The following JADE1 variants were observed in gnomAD, a reference collection of about 807,000 sequenced individuals.
JADE1 encodes jade family PHD finger 1.
In JADE1, 14 loss-of-function variants were observed where a neutral mutation model predicts 81.8. The ratio of observed to expected loss-of-function variants is 0.17; its 90% CI spans 0.11 to 0.27. The LOEUF (loss-of-function observed/expected upper bound fraction) is 0.27, where lower values mean the gene tolerates loss of function less well. Among genes scored for constraint, JADE1 ranks in the 10% least tolerant of loss-of-function variants. The probability of loss-of-function intolerance (pLI) is 1.00; values close to 1 mark genes in which losing one functional copy is unlikely to be tolerated. For synonymous variants in JADE1, 353 were observed against 391.9 expected (o/e 0.90, Z 1.17); for missense variants, 690 against 1,047.9 (o/e 0.66, Z 4.71).
intron 1 of JADE1, among the ~76,000 whole-genome samples, chr4:128,811,624 C>T (rs1288363346): frequency 9.8e-6 from 1 of 102,214 alleles, no homozygotes; most frequent in Admixed American, 8.9e-5. Context: ...CCCAGCTGCG[C>T]CGCCCGGGCC....
intron 9 of JADE1, chr4:128,863,136 C>T (rs1202724627): frequency 1.0e-6 from 1 of 985,466 alleles, no homozygotes; most frequent in African/African-American, 1.7e-5. Flanking sequence ...TTTTGTGCCT[C>T]CCCCACTTTC....
chr4:128,863,603 A>G, intron 9 of JADE1: 1 of 985,436 alleles, frequency 1.0e-6, no homozygotes, highest in Non-Finnish European at 1.2e-6. Context: ...AAGGCCGCGG[A>G]TTCCGGCCCT....
At chr4:128,812,316 G>A (rs541323404) in intron 1 of JADE1, among the ~76,000 whole-genome samples, 1 of 151,742 alleles carries the variant, frequency 6.6e-6, no homozygotes, top group Non-Finnish European at 1.5e-5. Context: ...AGGAGGAGGA[G>A]GATTGGGAGA....
At chr4:128,811,972 A>G (rs1167028865) in intron 1 of JADE1, 1 of 151,612 alleles carries the variant, frequency 6.6e-6, no homozygotes, top group Non-Finnish European at 1.5e-5. Flanking sequence ...CCCCAGCCCG[A>G]AGGTGCCGCC....
chr4:128,842,830 C>T, intron 2 of JADE1, 123 bp from the exon 3 acceptor site: 3 of 744,684 alleles, frequency 4.0e-6, no homozygotes, highest in Non-Finnish European at 7.2e-6. Flanking sequence ...GAGGGCATCA[C>T]AGGTGGTCTC....
At position 128,872,111 on chromosome 4, in the gene JADE1, A is replaced by G; in HGVS notation, c.2378A>G (p.Lys793Arg). The stretch of plus-strand genomic sequence containing the variant: ...CCAGCCAAGGAAAGGGCAAAAAGCA[A>G]ATTAAAATCCGACAATGAGAATGAC... ...RVPAKERAKS[K>R]LKSDNENDGY... is the part of the protein sequence containing the mutation. The change falls in exon 11 of 11, where the codon AAA becomes AGA. Residue 793 changes from lysine to arginine, a missense_variant. Physicochemically the swap from Lys to Arg is conservative, Grantham distance 26 (BLOSUM62 2). Transcript: ENST00000226319. 6.2e-7 allele frequency: 1 copy of G among 1,614,188 alleles called. No individual in the cohort carries two copies. Among genetic ancestry groups the G allele is most frequent in the Non-Finnish European group, 8.5e-7 (1 of 1,180,022 alleles).
chr4:128,869,312 C>T (rs1029234626), intron 10 of JADE1, among the ~76,000 whole-genome samples: 8 of 152,074 alleles, frequency 5.3e-5, no homozygotes, highest in Non-Finnish European at 5.9e-5. Context: ...AAAAGTAGGT[C>T]GATTCAGATT....
At chr4:128,858,436 C>G (rs1033465479) in intron 8 of JADE1, among the ~76,000 whole-genome samples, 2 of 151,966 alleles carry the variant, frequency 1.3e-5, no homozygotes, top group African/African-American at 4.8e-5. Flanking sequence ...ATTCTGGGAG[C>G]AGAGGCACTG....
chr4:128,818,809 CTT>C (rs1727286188), intron 1 of JADE1, among the ~76,000 whole-genome samples: 1 of 152,168 alleles, frequency 6.6e-6, no homozygotes, highest in African/African-American at 2.4e-5. Context: ...GAAAATCACT[CTT>C]AGCTCAAAAA....
chr4:128,862,401 T>A (rs1259475340), intron 9 of JADE1, 176 bp downstream of exon 9: 5 of 1,427,004 alleles, frequency 3.5e-6, no homozygotes, highest in Admixed American at 2.9e-5. Flanking sequence ...ATTGTACATA[T>A]GTGCAAAACT....
At chr4:128,863,155 C>G (rs1731501584) in intron 9 of JADE1, 1 of 985,458 alleles carries the variant, frequency 1.0e-6, no homozygotes, top group African/African-American at 1.7e-5. Flanking sequence ...TCCATCACCT[C>G]TGGAGTCCCG....
At chr4:128,845,014 C>G (rs1468123396) in intron 3 of JADE1, among the ~76,000 whole-genome samples, 3 of 152,214 alleles carry the variant, frequency 2.0e-5, no homozygotes, top group African/African-American at 7.2e-5. Context: ...GAGAGTTCAG[C>G]ATTGTGACTT....
rs1732425224 is a variant in JADE1, at chr4:128,874,487, CAAAAA to C, written c.*2226_*2230del. ...TTATGCTGAACCAAAAAAAACAAAA[CAAAAA>C]CAAAACAAAAAATATTAAAAAAAAC... On this transcript the variant is annotated 3_prime_UTR_variant, in exon 11 of 11. Transcript: ENST00000226319. 1.5e-5 allele frequency: 2 copies of C among 136,498 alleles called. No individual in the cohort carries two copies. Among genetic ancestry groups the C allele is most frequent in the Admixed American group, 1.5e-4 (2 of 13,764 alleles). The allele number at this position is 136,498 out of a possible 1,614,324, so 8.5% of individuals were successfully genotyped here. A position where few individuals can be genotyped will look rare whatever the true frequency, so the allele number is the denominator to read the frequency against.
intron 1 of JADE1, among the ~76,000 whole-genome samples, chr4:128,829,825 T>G (rs1728382550): frequency 6.6e-6 from 1 of 151,928 alleles, no homozygotes; most frequent in Non-Finnish European, 1.5e-5. Context: ...CTTTTTAGAG[T>G]GGAGCTTTGG....
At chr4:128,836,331 A>G (rs1728977755) in intron 2 of JADE1, among the ~76,000 whole-genome samples, 2 of 152,208 alleles carry the variant, frequency 1.3e-5, no homozygotes, top group South Asian at 4.1e-4. Context: ...TATGTATTAT[A>G]TACTGTATTT....
At chr4:128,840,774 C>T (rs1729371553) in intron 2 of JADE1, among the ~76,000 whole-genome samples, 1 of 152,130 alleles carries the variant, frequency 6.6e-6, no homozygotes, top group Non-Finnish European at 1.5e-5. Flanking sequence ...GTGAAATATT[C>T]TTGTTCATTT....
chr4:128,823,576 G>A (rs1727770381), intron 1 of JADE1, among the ~76,000 whole-genome samples: 2 of 152,118 alleles, frequency 1.3e-5, no homozygotes, highest in South Asian at 4.1e-4. Context: ...CCTCCTTCCA[G>A]AGGTTCTGTA....
chr4:128,814,683 T>C (rs1309293436), intron 1 of JADE1, among the ~76,000 whole-genome samples: 1 of 151,432 alleles, frequency 6.6e-6, no homozygotes, highest in African/African-American at 2.4e-5. Flanking sequence ...TGCCTCAGCC[T>C]CCTGAGTAGC....
intron 9 of JADE1, chr4:128,863,881 GTGTT>G: frequency 1.0e-6 from 1 of 985,438 alleles, no homozygotes; most frequent in Non-Finnish European, 1.2e-6. Context: ...TGTTTGGACT[GTGTT>G]TGTCTCACAA....
Sources: allele counts gnomAD v4.1 joint callset (sites outside exome capture counted in the v4.1 genomes callset), GRCh38; gene constraint gnomAD v4.1.1; transcripts MANE v1.5; gene names NCBI Gene and HGNC (gene_info 2026-07-23, HGNC 2026-07-21).